The following CFAP20DC variants were observed in gnomAD, a reference collection of about 807,000 sequenced individuals.
The protein encoded by CFAP20DC is CFAP20 domain containing.
A neutral mutation model predicts 101.7 loss-of-function variants in CFAP20DC; 84 were observed. The ratio of observed to expected loss-of-function variants is 0.83; its 90% CI spans 0.69 to 0.99. The LOEUF is 0.99. CFAP20DC is among the 50% of genes least tolerant of loss of function. CFAP20DC has a pLI of 0.00. For synonymous variants in CFAP20DC, 359 were observed against 351.2 expected, an observed-to-expected ratio of 1.02 and a Z score of -0.25; for missense variants, 1,007 against 970.3, an observed-to-expected ratio of 1.04 and a Z score of -0.50.
intron 11 of CFAP20DC, among the ~76,000 whole-genome samples, chr3:58,866,030 A>G (rs577864956): frequency 2.0e-5 from 3 of 152,318 alleles, no homozygotes; most frequent in South Asian, 4.1e-4. Context: ...CTAAACATCT[A>G]ATTAGTTTTT....
chr3:58,720,279 T>G (rs1034819365), intron 3 of CFAP20DC, among the ~76,000 whole-genome samples: 7 of 152,206 alleles, frequency 4.6e-5, no homozygotes, highest in Non-Finnish European at 7.4e-5. Flanking sequence ...TTGAAATGAA[T>G]GTAGAAATGA....
intron 15 of CFAP20DC, among the ~76,000 whole-genome samples, chr3:58,782,050 A>G (rs1020286336): frequency 6.6e-6 from 1 of 152,080 alleles, no homozygotes; most frequent in Admixed American, 6.6e-5. Context: ...AACTGAATCC[A>G]ACATTATATT....
At chr3:58,979,653 C>G (rs745619402) in intron 4 of CFAP20DC, among the ~76,000 whole-genome samples, 1 of 152,166 alleles carries the variant, frequency 6.6e-6, no homozygotes, top group East Asian at 1.9e-4. Context: ...CACTGAGTTT[C>G]AGCACTTTAG....
intron 13 of CFAP20DC, among the ~76,000 whole-genome samples, chr3:58,838,140 G>A (rs2076863967): frequency 6.6e-6 from 1 of 152,084 alleles, no homozygotes; most frequent in Non-Finnish European, 1.5e-5. Flanking sequence ...CACAATTTAT[G>A]GTAGCTTTTA....
At chr3:58,951,558 C>T (rs1282999830) in intron 4 of CFAP20DC, among the ~76,000 whole-genome samples, 2 of 152,126 alleles carry the variant, frequency 1.3e-5, no homozygotes, top group Non-Finnish European at 2.9e-5. Context: ...ACATATACAC[C>T]ATGGAATACT....
At chr3:58,904,603 C>G (rs1689355719) in intron 6 of CFAP20DC, among the ~76,000 whole-genome samples, 1 of 152,052 alleles carries the variant, frequency 6.6e-6, no homozygotes, top group Non-Finnish European at 1.5e-5. Context: ...ATAAGAATAC[C>G]AAATATTATT....
rs1157016174 is a variant in CFAP20DC at position 59,014,099 on chromosome 3, T to A, written c.278+25458A>T. ...TTTAAACAGTTGTTTGCACATTCAA[T>A]ATTTATAACCCAAATCTTGCATGAC... On this transcript the variant is annotated intron_variant, in intron 4 of 16. Coordinates refer to ENST00000482387, the MANE Select transcript of CFAP20DC (RefSeq NM_001394063.1). The surrounding 1 kb of genome is among the most constrained non-coding windows in gnomAD (Gnocchi z 4.9). Among the ~76,000 whole-genome samples, 2 of 152,182 alleles carry A rather than the reference T, an allele frequency of 1.3e-5. No individual in the cohort carries two copies. The highest frequency in any genetic ancestry group is 2.9e-5 in the Non-Finnish European group (2 of 68,018).
intron 15 of CFAP20DC, among the ~76,000 whole-genome samples, chr3:58,792,405 C>A (rs1263559789): frequency 2.0e-5 from 3 of 151,952 alleles, no homozygotes; most frequent in Non-Finnish European, 2.9e-5. Context: ...ACTAAACAAC[C>A]CAAGCCTTAC....
chr3:58,924,034 A>C (rs760978615), intron 5 of CFAP20DC, among the ~76,000 whole-genome samples: 2 of 152,140 alleles, frequency 1.3e-5, no homozygotes, highest in African/African-American at 4.8e-5. Context: ...CATCCAGTGA[A>C]TCTTTTATTT....
chr3:59,043,392 T>C (rs1699576538), intron 3 of CFAP20DC, among the ~76,000 whole-genome samples: 1 of 151,802 alleles, frequency 6.6e-6, no homozygotes, highest in Non-Finnish European at 1.5e-5. Flanking sequence ...ATGATGCTAA[T>C]ATGTGAAGTA....
chr3:58,788,741 T>C lies in CFAP20DC; in HGVS notation c.2237+17654A>G, dbSNP rs2072597934. Among the ~76,000 whole-genome samples the C allele has an allele frequency of 1.3e-5, 2 of 152,148 alleles. No homozygotes were observed. The highest frequency in any genetic ancestry group is 2.1e-4 in the South Asian group (1 of 4,834). On this transcript the variant is annotated intron_variant, in intron 15 of 16. Transcript: ENST00000482387. This position sits in a 1 kb window ranked among gnomAD's most constrained non-coding sequence, Gnocchi z 4.2. ...CAGCTTAAACTTCCTTTTAGCCTTGTGACCTTTGAGCCAAACTCTGTGTCT... is the reference window on the plus strand; with the variant it reads ...CAGCTTAAACTTCCTTTTAGCCTTGCGACCTTTGAGCCAAACTCTGTGTCT...
chr3:58,993,971 T>C (rs2093025915), intron 4 of CFAP20DC, among the ~76,000 whole-genome samples: 1 of 152,192 alleles, frequency 6.6e-6, no homozygotes, highest in South Asian at 2.1e-4. Flanking sequence ...CTGGGTCAAA[T>C]GGTATTTCTG....
chr3:58,716,318 C>G (rs564385611), downstream of CFAP20DC, among the ~76,000 whole-genome samples: 4 of 151,498 alleles, frequency 2.6e-5, no homozygotes, highest in South Asian at 2.1e-4. Context: ...CCCGCCACCA[C>G]GCCCGGCTAA....
chr3:59,021,653 TCA>T (rs1022171816), intron 4 of CFAP20DC, among the ~76,000 whole-genome samples: 2 of 152,078 alleles, frequency 1.3e-5, no homozygotes, highest in African/African-American at 4.8e-5. Flanking sequence ...TTGAACCTGG[TCA>T]CACAATGATG....
Position 59,014,154 on chromosome 3 carries a change from G to A in CFAP20DC, c.278+25403C>T, listed in dbSNP as rs543086132. On this transcript the variant is annotated intron_variant, in intron 4 of 16. Coordinates refer to ENST00000482387, the MANE Select transcript of CFAP20DC (RefSeq NM_001394063.1). This position sits in a 1 kb window ranked among gnomAD's most constrained non-coding sequence, Gnocchi z 4.9. ...TGCAAGCAGTGAGTTAGAAGGTTTA[G>A]CTCAGCTGCTGCCTAGAGTGATGGA... 6.6e-6 allele frequency among the ~76,000 whole-genome samples: 1 copy of A among 152,238 alleles called. No homozygotes were observed. The highest frequency in any genetic ancestry group is 1.9e-4 in the East Asian group (1 of 5,168).
intron 5 of CFAP20DC, among the ~76,000 whole-genome samples, chr3:58,934,013 A>G (rs977098387): frequency 1.3e-5 from 2 of 152,186 alleles, no homozygotes; most frequent in African/African-American, 4.8e-5. Flanking sequence ...AACAAAATTG[A>G]TAGACCACTA....
chr3:58,971,993 C>A lies in CFAP20DC; in HGVS notation c.279-34231G>T, dbSNP rs7635388. Among the ~76,000 whole-genome samples, 25,693 of 151,866 alleles carry A rather than the reference C, an allele frequency of 0.17. 4,421 individuals carry two copies. The highest frequency in any genetic ancestry group is 0.42 in the African/African-American group (17,583 of 41,384). On this transcript the variant is annotated intron_variant, in intron 4 of 16. Coordinates refer to ENST00000482387, the MANE Select transcript of CFAP20DC (RefSeq NM_001394063.1). This position sits in a 1 kb window ranked among gnomAD's most constrained non-coding sequence, Gnocchi z 4.1. The stretch of plus-strand genomic sequence containing the variant: ...ATTATAGGTGTGGATTACTTTAATT[C>A]TGTATGCAATTTTAAAATGGCAGAG...
At chr3:58,856,233 C>G (rs552625425) in intron 12 of CFAP20DC, among the ~76,000 whole-genome samples, 47 of 149,492 alleles carry the variant, frequency 3.1e-4, no homozygotes, top group African/African-American at 1.2e-3. Context: ...CCTGGGCATA[C>G]ATTGTCTTTG....
At chr3:58,941,722 C>T (rs1283210985) in intron 4 of CFAP20DC, among the ~76,000 whole-genome samples, 1 of 152,112 alleles carries the variant, frequency 6.6e-6, no homozygotes, top group Admixed American at 6.5e-5. Context: ...GCGCCCGCCA[C>T]TGCCCTCGGC....
Sources: gnomAD v4.1 joint callset for allele counts (sites outside exome capture counted in the v4.1 genomes callset) on GRCh38, gnomAD v4.1.1 for gene constraint, Gnocchi (gnomAD v3.1) non-coding constraint, MANE v1.5 for transcripts, NCBI Gene and HGNC (gene_info 2026-07-23, HGNC 2026-07-21) for gene names.